The following GPHN variants were observed in gnomAD, a reference collection of about 807,000 sequenced individuals.
GPHN encodes gephyrin.
In GPHN, 17 loss-of-function variants were observed where a neutral mutation model predicts 95.5. That is an observed-to-expected ratio of 0.18 (90% CI 0.12 to 0.27). The LOEUF (loss-of-function observed/expected upper bound fraction) is 0.27. Among genes scored for constraint, GPHN ranks in the 10% least tolerant of loss-of-function variants. GPHN has a pLI of 1.00. For synonymous variants in GPHN, 320 were observed against 322.5 expected, an observed-to-expected ratio of 0.99 and a Z score of 0.08; for missense variants, 660 against 978.1, an observed-to-expected ratio of 0.67 and a Z score of 4.34.
chr14:67,468,268 C>T, the GPHN span, among the ~76,000 whole-genome samples: 1 of 152,212 alleles, frequency 6.6e-6, no homozygotes, highest in Non-Finnish European at 1.5e-5. Flanking sequence ...GCCACCGCAC[C>T]TGGCCAGTGT....
chr14:66,790,452 A>G (rs1458448428), intron 3 of GPHN, among the ~76,000 whole-genome samples: 7 of 152,260 alleles, frequency 4.6e-5, no homozygotes, highest in Non-Finnish European at 1.0e-4. Context: ...GAAAAAGCCT[A>G]GAGCAGTAAA....
chr14:66,798,889 T>C lies in GPHN; in HGVS notation c.201+22368T>C, dbSNP rs550333533. ...TGGTTTGCCCTTGCTTGTCTAGTTC[T>C]TTAAGATGCATTATTAGATTGCTTA... On this transcript the variant is annotated intron_variant, in intron 3 of 22. Coordinates refer to ENST00000478722, the MANE Select transcript of GPHN (RefSeq NM_020806.5). 5.3e-5 allele frequency among the ~76,000 whole-genome samples: 8 copies of C among 151,992 alleles called. No individual in the cohort carries two copies. The South Asian group carries it at 1.7e-3, about 31-fold the overall frequency.
chr14:67,174,532 G>A (rs932507509), intron 21 of GPHN, among the ~76,000 whole-genome samples: 6 of 152,014 alleles, frequency 3.9e-5, no homozygotes, highest in Admixed American at 6.6e-5. Context: ...ATAGTGTCGC[G>A]ATAAACATAC....
the GPHN span, among the ~76,000 whole-genome samples, chr14:67,193,194 CTATA>C: frequency 0.01 from 1,399 of 137,312 alleles, 36 homozygotes; most frequent in African/African-American, 0.035. Flanking sequence ...AGACATCTAT[CTATA>C]TATCTCTATA....
At chr14:67,348,387 G>C in the GPHN span, among the ~76,000 whole-genome samples, 1 of 151,396 alleles carries the variant, frequency 6.6e-6, no homozygotes, top group Admixed American at 6.6e-5. Flanking sequence ...TGTATTCTTT[G>C]GTAAAGATGG....
At chr14:66,543,491 C>G (rs1021628126) in intron 1 of GPHN, among the ~76,000 whole-genome samples, 7 of 152,126 alleles carry the variant, frequency 4.6e-5, no homozygotes, top group Non-Finnish European at 8.8e-5. Context: ...CTTACAACTC[C>G]TAAATTTATG....
chr14:67,383,534 C>G, the GPHN span: 1 of 1,513,222 alleles, frequency 6.6e-7, no homozygotes, highest in Admixed American at 1.9e-5. Flanking sequence ...TTGAAAACTT[C>G]AAAGCTGAAT....
chr14:66,590,519 T>C (rs895535737), intron 1 of GPHN, among the ~76,000 whole-genome samples: 9 of 152,128 alleles, frequency 5.9e-5, no homozygotes, highest in African/African-American at 1.2e-4. Flanking sequence ...GAGAATGATA[T>C]AAACATCTCT....
the GPHN span, among the ~76,000 whole-genome samples, chr14:67,318,299 T>A: frequency 1.5e-3 from 230 of 152,026 alleles, 1 homozygote; most frequent in African/African-American, 5.5e-3. Flanking sequence ...AAAAGCTAAA[T>A]GAGGTTTGAT....
chr14:67,444,321 G>C, the GPHN span, among the ~76,000 whole-genome samples: 1 of 152,178 alleles, frequency 6.6e-6, no homozygotes, highest in African/African-American at 2.4e-5. Context: ...GACCTGCTCA[G>C]ATTTTTGGAG....
rs74627908 is a variant in GPHN, at chr14:67,103,148, T to G, written c.1293+2237T>G. 1.4e-3 allele frequency among the ~76,000 whole-genome samples: 206 copies of G among 152,244 alleles called. 4 individuals carry two copies. In the East Asian group the frequency reaches 0.023, roughly 17 times the overall value. The stretch of plus-strand genomic sequence containing the variant: ...AGCATGATCTCAGCTCACTGCAACC[T>G]TCACCCCAGTATGGACTCTGTGTGG... On this transcript the variant is annotated intron_variant, in intron 13 of 22. Coordinates refer to ENST00000478722, the MANE Select transcript of GPHN (RefSeq NM_020806.5).
At chr14:67,263,082 C>T in the GPHN span, among the ~76,000 whole-genome samples, 1 of 152,256 alleles carries the variant, frequency 6.6e-6, no homozygotes, top group South Asian at 2.1e-4. Context: ...AGCTTCTAAC[C>T]AGTTTCTGCC....
At chr14:67,353,466 T>C in the GPHN span, among the ~76,000 whole-genome samples, 1 of 152,066 alleles carries the variant, frequency 6.6e-6, no homozygotes, top group Non-Finnish European at 1.5e-5. Context: ...GGTAAGATAG[T>C]AGCAAGACTC....
chr14:66,686,752 T>C (rs1361256827), intron 2 of GPHN, among the ~76,000 whole-genome samples: 1 of 152,192 alleles, frequency 6.6e-6, no homozygotes, highest in Non-Finnish European at 1.5e-5. Flanking sequence ...TTCTTTCTCC[T>C]GCCTGATTGC....
chr14:67,483,672 C>T, the GPHN span, among the ~76,000 whole-genome samples: 3 of 152,232 alleles, frequency 2.0e-5, no homozygotes, highest in African/African-American at 7.2e-5. Context: ...GGCCCCAAGG[C>T]ATGCGCCATT....
intron 3 of GPHN, among the ~76,000 whole-genome samples, chr14:66,797,673 A>AT: frequency 6.6e-6 from 1 of 151,850 alleles, no homozygotes; most frequent in East Asian, 1.9e-4. Context: ...TTGTATGTTG[A>AT]TTTTGTATCC....
chr14:67,104,216 C>T (rs1268761197), intron 13 of GPHN, among the ~76,000 whole-genome samples: 2 of 152,154 alleles, frequency 1.3e-5, no homozygotes, highest in East Asian at 3.8e-4. Context: ...CACAGTAAAT[C>T]CCACTTGATC....
At chr14:67,656,510 G>C in the GPHN span, 1 of 1,613,958 alleles carries the variant, frequency 6.2e-7, no homozygotes, top group Non-Finnish European at 8.5e-7. Context: ...AATCCGATGA[G>C]AACGTTCAAT....
At chr14:67,559,521 C>T in the GPHN span, 3 of 854,068 alleles carry the variant, frequency 3.5e-6, no homozygotes, top group Non-Finnish European at 5.9e-6. Context: ...GGCACGCACA[C>T]TTGGCCTTTC....
Sources: allele counts gnomAD v4.1 joint callset (sites outside exome capture counted in the v4.1 genomes callset), GRCh38; gene constraint gnomAD v4.1.1; transcripts MANE v1.5; gene names NCBI Gene and HGNC (gene_info 2026-07-23, HGNC 2026-07-21).